The following SLC5A11 variants were observed in gnomAD, a reference collection of about 807,000 sequenced individuals.
SLC5A11 encodes solute carrier family 5 member 11.
Under a neutral mutation model 69.8 loss-of-function variants are expected in SLC5A11, and 48 were observed. The observed-to-expected ratio is 0.69, with a 90% CI of 0.55 to 0.87. The LOEUF (loss-of-function observed/expected upper bound fraction) is 0.87. Ranked by LOEUF, SLC5A11 falls within the 40% of genes least tolerant of loss-of-function variation. SLC5A11 has a pLI of 0.00. For synonymous variants in SLC5A11, 319 were observed against 342.4 expected (o/e 0.93, Z 0.75); for missense variants, 784 against 866.1 (o/e 0.91, Z 1.19).
intron 9 of SLC5A11, 121 bp from the exon 11 acceptor site, chr16:24,897,853 A>G (rs1207055099): frequency 2.3e-6 from 3 of 1,308,080 alleles, no homozygotes; most frequent in Non-Finnish European, 3.2e-6. Context: ...GTTATCTCCC[A>G]CTGACTCCCT....
chr16:24,862,615 CA>C lies in SLC5A11; in HGVS notation c.154del (p.Arg52GlufsTer4). The C allele has an allele frequency of 6.2e-7, 1 of 1,613,136 alleles. No homozygotes were observed. The highest frequency in any genetic ancestry group is 8.5e-7 in the Non-Finnish European group (1 of 1,179,486). The stretch of plus-strand genomic sequence containing the variant: ...TTTTTTTTCAGTCCACAGTGAAGAC[CA>C]AAAGAGACACAGTGAAAGGCTACTT... On this transcript the variant is annotated frameshift_variant, in exon 3 of 16. Coordinates refer to ENST00000347898, the Ensembl canonical transcript of SLC5A11. LOFTEE classifies it high-confidence loss of function.
intron 1 of SLC5A11, among the ~76,000 whole-genome samples, chr16:24,850,316 G>C (rs997831465): frequency 6.6e-5 from 10 of 152,226 alleles, no homozygotes; most frequent in African/African-American, 2.4e-4. Flanking sequence ...GCATCAACGG[G>C]TGGAGGAGGC....
At chr16:24,860,997 G>A (rs896017107) in intron 2 of SLC5A11, among the ~76,000 whole-genome samples, 4 of 151,558 alleles carry the variant, frequency 2.6e-5, no homozygotes, top group South Asian at 2.1e-4. Flanking sequence ...GTGAGCCACC[G>A]CACCCAGCCA....
intron 13 of SLC5A11, among the ~76,000 whole-genome samples, chr16:24,908,399 G>A (rs1417404411): frequency 6.6e-6 from 1 of 152,090 alleles, no homozygotes; most frequent in Admixed American, 6.6e-5. Context: ...AGGAGTTTGA[G>A]ACCAGCCTGG....
intron 1 of SLC5A11, among the ~76,000 whole-genome samples, chr16:24,847,234 CTCCT>C (rs528084479): frequency 1.0e-3 from 143 of 141,832 alleles, no homozygotes; most frequent in African/African-American, 3.6e-3. Flanking sequence ...CCCTTTCTTT[CTCCT>C]TCCTTCTTTC....
intron 10 of SLC5A11, among the ~76,000 whole-genome samples, chr16:24,905,290 A>AC (rs1415299632): frequency 3.4e-5 from 5 of 148,684 alleles, no homozygotes; most frequent in Non-Finnish European, 7.5e-5. Flanking sequence ...AAAAAAAAAA[A>AC]AAAAAACCTG....
At chr16:24,846,203 A>G (rs1313687166) in exon 1 of SLC5A11, 2 of 152,422 alleles carry the variant, frequency 1.3e-5, no homozygotes, top group African/African-American at 4.8e-5. Flanking sequence ...TGGGGAGATC[A>G]TTCACGCTTC....
chr16:24,896,942 C>CTTTTTTTTTTTTTTTTTTTTTTTT (rs869210839), intron 9 of SLC5A11, among the ~76,000 whole-genome samples: 1 of 97,092 alleles, frequency 1.0e-5, no homozygotes. Context: ...AACCTCCTTC[C>CTTTTTTTTTTTTTTTTTTTTTTTT]TTTTTTTTTT....
At chr16:24,880,293 T>G (rs2152330095) in intron 7 of SLC5A11, among the ~76,000 whole-genome samples, 1 of 152,320 alleles carries the variant, frequency 6.6e-6, no homozygotes. Context: ...CCTACCATGA[T>G]GGAGCCGGAG....
intron 7 of SLC5A11, among the ~76,000 whole-genome samples, chr16:24,880,468 GGGATTACA>G (rs1466478723): frequency 6.6e-6 from 1 of 152,148 alleles, no homozygotes; most frequent in Non-Finnish European, 1.5e-5. Context: ...CCAAATAGCT[GGGATTACA>G]GGCACGTGCC....
At chr16:24,882,911 G>T (rs1392010602) in intron 7 of SLC5A11, among the ~76,000 whole-genome samples, 2 of 152,158 alleles carry the variant, frequency 1.3e-5, no homozygotes, top group African/African-American at 4.8e-5. Context: ...CTCCCAAAGT[G>T]CTGGGATTAC....
exon 9 of SLC5A11, chr16:24,890,878 C>T (rs200088797): frequency 6.6e-5 from 107 of 1,614,060 alleles, no homozygotes; most frequent in Middle Eastern, 1.6e-4. Context: ...GGTTTCGCCG[C>T]GGTTGGTGGG....
chr16:24,881,531 G>C (rs913494559), intron 7 of SLC5A11, among the ~76,000 whole-genome samples: 2 of 152,012 alleles, frequency 1.3e-5, no homozygotes, highest in African/African-American at 4.8e-5. Flanking sequence ...CAAGTGATCC[G>C]CCTGCATCAG....
At chr16:24,911,458 G>A in exon 16 of SLC5A11, 1 of 1,614,100 alleles carries the variant, frequency 6.2e-7, no homozygotes, top group Non-Finnish European at 8.5e-7. Context: ...AAAACCCCTT[G>A]GTGAAGACCC....
At chr16:24,872,042 T>C in intron 4 of SLC5A11, 118 bp from the exon 6 acceptor site, 2 of 1,139,808 alleles carry the variant, frequency 1.8e-6, no homozygotes, top group Non-Finnish European at 2.7e-6. Context: ...ACTCAGCGAG[T>C]AAGAGACTAC....
chr16:24,850,599 C>T (rs964632690), intron 1 of SLC5A11, among the ~76,000 whole-genome samples: 4 of 152,112 alleles, frequency 2.6e-5, no homozygotes, highest in African/African-American at 4.8e-5. Flanking sequence ...CCAAGGTCCA[C>T]GTGTCTCGGG....
rs763526248 is a variant in SLC5A11, at chr16:24,884,124, G to A, written c.657G>A (p.Met219Ile). The A allele has an allele frequency of 4.6e-5, 74 of 1,613,910 alleles. 1 individual carries two copies. In the East Asian group the frequency reaches 1.6e-3, roughly 35 times the overall value. The change falls in exon 8 of 16, where the codon ATG (methionine) becomes ATA (isoleucine). Residue 219 changes from methionine (M) to isoleucine (I), a missense_variant. Met to Ile is a conservative substitution (Grantham distance 10, BLOSUM62 1). Transcript: ENST00000347898. ...TGCTTATAGGAGCGCTCACCTTGAT[G>A]GGCTACAGTAAGTGGGGTCCCCGGG...
At chr16:24,906,742 C>T (rs369534820) in exon 11 of SLC5A11, 122 of 1,613,090 alleles carry the variant, frequency 7.6e-5, no homozygotes, top group Middle Eastern at 1.6e-4. Flanking sequence ...ATCCCAAACT[C>T]GTGCTGGAAC....
chr16:24,890,934 C>G, exon 9 of SLC5A11: 1 of 1,614,138 alleles, frequency 6.2e-7, no homozygotes, highest in Non-Finnish European at 8.5e-7. Context: ...GGCTAGCAAC[C>G]GGAGTGAGAA....
Sources: allele counts gnomAD v4.1 joint callset (sites outside exome capture counted in the v4.1 genomes callset), GRCh38; gene constraint gnomAD v4.1.1; transcripts MANE v1.5; gene names NCBI Gene and HGNC (gene_info 2026-07-23, HGNC 2026-07-21).